The following TMC7 variants were observed in gnomAD, a reference collection of about 807,000 sequenced individuals.
TMC7 encodes transmembrane channel like 7, also known as transmembrane channel-like protein 7.
A neutral mutation model predicts 82.9 loss-of-function variants in TMC7; 54 were observed. That is an observed-to-expected ratio of 0.65 (90% CI 0.52 to 0.82). The LOEUF is 0.82. TMC7 is among the 40% of genes least tolerant of loss of function. TMC7 has a pLI of 0.00. For missense variants in TMC7, 820 were observed against 901.2 expected, an observed-to-expected ratio of 0.91 and a Z score of 1.15; for synonymous variants, 350 against 337.9, an observed-to-expected ratio of 1.04 and a Z score of -0.39.
chr16:19,023,769 G>C (rs1408778300), intron 5 of TMC7, among the ~76,000 whole-genome samples: 1 of 152,066 alleles, frequency 6.6e-6, no homozygotes, highest in Non-Finnish European at 1.5e-5. Flanking sequence ...TCTTTGTATT[G>C]ATCTGCAACA....
Position 19,035,721 on chromosome 16 carries a change from C to T in TMC7, c.903C>T (p.His301=), listed in dbSNP as rs756655001. Residue 301 remains histidine (H), a synonymous_variant, in exon 7 of 16, where the codon CAC becomes CAT. Transcript: ENST00000304381. ...TCAACCTGATTCGGAGTGAGGAGCA[C>T]TTTCAGAGTTACTGCAACAAGATAT... ...FKINLIRSEE[H]FQSYCNKIFA... is the part of the protein sequence containing the mutation. 5.0e-6 allele frequency: 8 copies of T among 1,613,942 alleles called. No homozygotes were observed. In the Admixed American group the frequency reaches 1.0e-4, roughly 20 times the overall value.
intron 8 of TMC7, among the ~76,000 whole-genome samples, chr16:19,038,753 A>G (rs538117593): frequency 1.3e-4 from 19 of 151,534 alleles, no homozygotes; most frequent in Admixed American, 1.3e-4. Context: ...CCTGACCTCA[A>G]GAGATCCACC....
At chr16:18,988,273 G>A (rs369484316) in intron 1 of TMC7, among the ~76,000 whole-genome samples, 11 of 150,650 alleles carry the variant, frequency 7.3e-5, no homozygotes, top group African/African-American at 2.7e-4. Flanking sequence ...TCCTGCCTCA[G>A]CCTCCCAAGT....
In TMC7 at chr16:19,013,689, T is replaced by A. The variant is rs191905317; in HGVS notation, c.312-2761T>A. Among the ~76,000 whole-genome samples, 527 of 152,016 alleles carry A rather than the reference T, an allele frequency of 3.5e-3. 1 individual carries two copies. Among genetic ancestry groups the A allele is most frequent in the Non-Finnish European group, 5.2e-3 (351 of 67,990 alleles). On this transcript the variant is annotated intron_variant, in intron 2 of 15. Coordinates refer to ENST00000304381, the MANE Select transcript of TMC7 (RefSeq NM_024847.4). Reference sequence around the variant, plus strand: ...CCTGCCACCATGCCTGGCTAATTTTTTTTATTTTTGGTAGAGACGGGGTTT... The same window carrying A: ...CCTGCCACCATGCCTGGCTAATTTTATTTATTTTTGGTAGAGACGGGGTTT...
intron 1 of TMC7, among the ~76,000 whole-genome samples, chr16:18,998,320 C>T (rs1034280523): frequency 6.6e-6 from 1 of 152,192 alleles, no homozygotes; most frequent in Non-Finnish European, 1.5e-5. Flanking sequence ...ATGCAGGCAG[C>T]AAGTGAGGCT....
intron 4 of TMC7, 68 bp from the exon 5 acceptor site, chr16:19,023,044 CA>C: frequency 1.5e-5 from 14 of 956,864 alleles, no homozygotes; most frequent in Non-Finnish European, 1.9e-5. Flanking sequence ...AACAAACAAA[CA>C]AAAAAACCAG....
chr16:18,997,255 A>T (rs575144268), intron 1 of TMC7, among the ~76,000 whole-genome samples: 1 of 152,354 alleles, frequency 6.6e-6, no homozygotes, highest in South Asian at 2.1e-4. Flanking sequence ...GTATATGTGC[A>T]GGTCACTGGG....
intron 4 of TMC7, among the ~76,000 whole-genome samples, chr16:19,022,675 G>A (rs982101021): frequency 6.6e-6 from 1 of 152,220 alleles, no homozygotes; most frequent in Non-Finnish European, 1.5e-5. Flanking sequence ...TTATCAGACT[G>A]TATCCTCCTC....
rs776106440 is a variant in TMC7 at position 19,038,011 on chromosome 16, C to T, written c.1143C>T (p.Tyr381=). 6.2e-6 allele frequency: 10 copies of T among 1,613,712 alleles called. No homozygotes were observed. The highest frequency in any genetic ancestry group is 5.3e-5 in the African/African-American group (4 of 74,894). The change falls in exon 8 of 16, where the codon TAC becomes TAT. Residue 381 remains tyrosine, a synonymous_variant. Transcript: ENST00000304381. ...AVLGACFYAI[Y]VATVFSQEHM... The stretch of plus-strand genomic sequence containing the variant: ...TAGGGGCATGCTTTTATGCAATATA[C>T]GTAGCAACTGTCTTCTCGCAAGAGC...
chr16:18,990,393 C>T (rs188863838), intron 1 of TMC7, among the ~76,000 whole-genome samples: 32 of 152,294 alleles, frequency 2.1e-4, no homozygotes, highest in Admixed American at 1.7e-3. Flanking sequence ...CTCCTGCGTT[C>T]AAGCAATTTT....
In TMC7 at chr16:19,032,085, G is replaced by T. The variant is rs189090802; in HGVS notation, c.857+1716G>T. 3.3e-5 allele frequency among the ~76,000 whole-genome samples: 5 copies of T among 152,302 alleles called. No homozygotes were observed. In the East Asian group the frequency reaches 7.7e-4, roughly 23 times the overall value. On this transcript the variant is annotated intron_variant, in intron 6 of 15. Coordinates refer to ENST00000304381, the MANE Select transcript of TMC7 (RefSeq NM_024847.4). ...AGCTTGCCATCTCTGCGCCAGGGGGGTTGCTTGGCAGACAGTATCATGGAT... is the reference window on the plus strand; with the variant it reads ...AGCTTGCCATCTCTGCGCCAGGGGGTTTGCTTGGCAGACAGTATCATGGAT...
chr16:19,061,575 G>A (rs764064243), intron 15 of TMC7, among the ~76,000 whole-genome samples: 17 of 152,202 alleles, frequency 1.1e-4, no homozygotes, highest in Non-Finnish European at 2.1e-4. Flanking sequence ...ATGAGCCACC[G>A]TGTCCAGCTG....
chr16:19,026,504 G>A (rs148145454), intron 5 of TMC7, among the ~76,000 whole-genome samples: 4 of 151,496 alleles, frequency 2.6e-5, no homozygotes, highest in African/African-American at 7.3e-5. Flanking sequence ...AGCAAAGTTA[G>A]GATCAAATCC....
At chr16:19,036,613 G>GTC (rs1380304013) in intron 7 of TMC7, among the ~76,000 whole-genome samples, 1 of 152,080 alleles carries the variant, frequency 6.6e-6, no homozygotes, top group Non-Finnish European at 1.5e-5. Flanking sequence ...CTACTTGGGA[G>GTC]TCTGAGGCAA....
intron 1 of TMC7, among the ~76,000 whole-genome samples, chr16:18,999,350 T>C (rs2039101190): frequency 1.3e-5 from 2 of 152,226 alleles, no homozygotes; most frequent in African/African-American, 2.4e-5. Flanking sequence ...GCCACTGTAT[T>C]GGACAGTGCA....
At chr16:19,032,485 G>A (rs1274357103) in intron 6 of TMC7, among the ~76,000 whole-genome samples, 8 of 151,602 alleles carry the variant, frequency 5.3e-5, no homozygotes, top group Admixed American at 4.6e-4. Flanking sequence ...GGACCTACAG[G>A]GTAGACAATT....
intron 9 of TMC7, among the ~76,000 whole-genome samples, chr16:19,043,215 A>T (rs1374371345): frequency 2.6e-5 from 4 of 152,048 alleles, no homozygotes; most frequent in African/African-American, 9.7e-5. Flanking sequence ...CAAAAATAGG[A>T]TCATATTTAT....
Position 19,059,285 on chromosome 16 carries a change from A to G in TMC7, c.2028-131A>G, listed in dbSNP as rs574048357. 10 of 1,464,288 alleles carry G rather than the reference A, an allele frequency of 6.8e-6. 1 individual carries two copies. In the South Asian group the frequency reaches 1.2e-4, roughly 18 times the overall value. The allele number at this position is 1,464,288 out of a possible 1,614,324, so 90.7% of individuals were successfully genotyped here. A position where few individuals can be genotyped will look rare whatever the true frequency, so the allele number is the denominator to read the frequency against. On this transcript the variant is annotated intron_variant, in intron 14 of 15. Coordinates refer to ENST00000304381, the MANE Select transcript of TMC7 (RefSeq NM_024847.4). ...CTGGGCAAAGCACTGGTATTATAAA[A>G]TGAGCCATCATGCCCAGCCTTCTTT...
At chr16:19,040,575 T>C (rs1960967876) in intron 9 of TMC7, 129 bp downstream of exon 9, 1 of 760,872 alleles carries the variant, frequency 1.3e-6, no homozygotes, top group Non-Finnish European at 2.1e-6. Flanking sequence ...TCCTCAACCT[T>C]CAGACAGCCC....
Sources: gnomAD v4.1 joint callset for allele counts (sites outside exome capture counted in the v4.1 genomes callset) on GRCh38, gnomAD v4.1.1 for gene constraint, MANE v1.5 for transcripts, NCBI Gene and HGNC (gene_info 2026-07-23, HGNC 2026-07-21) for gene names.